The following MTUS1 variants were observed in gnomAD, a reference collection of about 807,000 sequenced individuals.
The protein encoded by MTUS1 is microtubule-associated tumor suppressor 1.
A neutral mutation model predicts 120.8 loss-of-function variants in MTUS1; 109 were observed. The ratio of observed to expected loss-of-function variants is 0.90; its 90% confidence interval spans 0.77 to 1.06. MTUS1 has a LOEUF of 1.06. Among genes scored for constraint, MTUS1 ranks in the 50% least tolerant of loss-of-function variants. The pLI, the probability that MTUS1 is intolerant of heterozygous loss-of-function variation, is 0.00. For missense variants in MTUS1, 2,210 were observed against 1,486.3 expected, an observed-to-expected ratio of 1.49 and a Z score of -8.01; for synonymous variants, 737 against 550.5, an observed-to-expected ratio of 1.34 and a Z score of -4.74.
At chr8:17,719,276 T>C (rs1822944123) in intron 4 of MTUS1, among the ~76,000 whole-genome samples, 2 of 152,254 alleles carry the variant, frequency 1.3e-5, no homozygotes, top group African/African-American at 2.4e-5. Context: ...ACATTATGTA[T>C]ATACACACAG....
chr8:17,711,572 G>C (rs1441231113), intron 6 of MTUS1, among the ~76,000 whole-genome samples: 1 of 152,122 alleles, frequency 6.6e-6, no homozygotes, highest in Non-Finnish European at 1.5e-5. Flanking sequence ...TAATCTTCTG[G>C]TCAGACCACT....
intron 6 of MTUS1, among the ~76,000 whole-genome samples, chr8:17,700,843 A>G (rs1042266687): frequency 1.3e-5 from 2 of 152,208 alleles, no homozygotes; most frequent in South Asian, 2.1e-4. Context: ...CTTAAATAAC[A>G]AAAGAGGATG....
At chr8:17,769,232 CTTTTTTT>C (rs35061390) in intron 1 of MTUS1, among the ~76,000 whole-genome samples, 14 of 131,296 alleles carry the variant, frequency 1.1e-4, no homozygotes, top group African/African-American at 2.6e-4. Flanking sequence ...GCTTTTATTC[CTTTTTTT>C]TTTTTTTTTT....
At chr8:17,761,101 T>C (rs2049006509) in intron 1 of MTUS1, among the ~76,000 whole-genome samples, 2 of 152,056 alleles carry the variant, frequency 1.3e-5, no homozygotes, top group Non-Finnish European at 2.9e-5. Flanking sequence ...GCAGCTCCTC[T>C]TAAACGGTTA....
chr8:17,695,367 C>T (rs1034035816), intron 6 of MTUS1, among the ~76,000 whole-genome samples: 1 of 152,202 alleles, frequency 6.6e-6, no homozygotes. Context: ...ATCTCTGGCA[C>T]TTACTGTGTG....
At chr8:17,647,768 C>T (rs1806137296) in intron 13 of MTUS1, among the ~76,000 whole-genome samples, 1 of 152,176 alleles carries the variant, frequency 6.6e-6, no homozygotes, top group Admixed American at 6.5e-5. Flanking sequence ...TGCCTGAGGA[C>T]ATTTAATCAC....
intron 6 of MTUS1, among the ~76,000 whole-genome samples, chr8:17,700,920 C>G (rs559348449): frequency 6.6e-6 from 1 of 152,098 alleles, no homozygotes; most frequent in East Asian, 1.9e-4. Context: ...AGAAATTCCA[C>G]TGGTCTGCAT....
Position 17,755,506 on chromosome 8 carries a change from GA to G in MTUS1, c.301del (p.Ser101LeufsTer9). The G allele has an allele frequency of 6.2e-7, 1 of 1,614,172 alleles. No individual in the cohort carries two copies. Among genetic ancestry groups the G allele is most frequent in the East Asian group, 2.2e-5 (1 of 44,882 alleles). On this transcript the variant is annotated frameshift_variant, in exon 2 of 15. Transcript: ENST00000693296. LOFTEE classifies it high-confidence loss of function. ...TACAAGTGCAGGACACTGACAAATA[GA>G]ATCTTTATGCATATCTAACACCTGC... ...SKQVLDMHKD[S>X]ICQCPALVGT... is the part of the protein sequence containing the mutation.
chr8:17,659,652 C>G (rs1249401186), intron 8 of MTUS1, among the ~76,000 whole-genome samples: 2 of 152,038 alleles, frequency 1.3e-5, no homozygotes, highest in African/African-American at 2.4e-5. Flanking sequence ...GAGCCAAGAT[C>G]GCACTACCGC....
Position 17,753,739 on chromosome 8 carries a change from A to G in MTUS1, c.2069T>C (p.Phe690Ser). The change falls in exon 2 of 15, where the codon TTT becomes TCT. Residue 690 changes from phenylalanine (F) to serine (S), a missense_variant. By Grantham distance (155) the Phe-to-Ser change is radical. Coordinates refer to ENST00000693296, the MANE Select transcript of MTUS1 (RefSeq NM_001363059.2). ...TACCAAAAACAGAGAACCATATTCA[A>G]AAGTCTCATTCATAATCTCTTGTTT... ...ELKQEIMNETFEYGSLFLGSA... is the reference protein window; with the variant it reads ...ELKQEIMNETSEYGSLFLGSA... 1.9e-6 allele frequency: 3 copies of G among 1,604,646 alleles called. No homozygotes were observed. The highest frequency in any genetic ancestry group is 1.7e-6 in the Non-Finnish European group (2 of 1,177,278).
intron 1 of MTUS1, among the ~76,000 whole-genome samples, chr8:17,781,428 A>C (rs1306570294): frequency 1.3e-5 from 2 of 152,214 alleles, no homozygotes; most frequent in Non-Finnish European, 2.9e-5. Flanking sequence ...TTTTGAAACA[A>C]GGCTTCACTT....
intron 12 of MTUS1, chr8:17,651,752 T>A (rs1036438490): frequency 2.6e-5 from 4 of 152,202 alleles, no homozygotes; most frequent in African/African-American, 2.4e-5. Flanking sequence ...AGCGGTTGGA[T>A]GCTTCTGTGT....
In MTUS1 at chr8:17,776,298, G is replaced by A. The variant is rs181201753; in HGVS notation, c.-154-20337C>T. Reference sequence around the variant, plus strand: ...CAAAGACTACAATATTTTATATAACGAACTTAGGCATTCTCAGATTTTGGT... The same window carrying A: ...CAAAGACTACAATATTTTATATAACAAACTTAGGCATTCTCAGATTTTGGT... On this transcript the variant is annotated intron_variant, in intron 1 of 14. Transcript: ENST00000693296. Among the ~76,000 whole-genome samples, 17 of 151,868 alleles carry A rather than the reference G, an allele frequency of 1.1e-4. No homozygotes were observed. The East Asian group carries it at 1.4e-3, about 12-fold the overall frequency.
intron 6 of MTUS1, chr8:17,706,096 T>C (rs1820103898): frequency 6.6e-6 from 1 of 152,264 alleles, no homozygotes; most frequent in Middle Eastern, 3.4e-3. Context: ...CTGCTTGCTT[T>C]AGAGATTTAA....
chr8:17,739,937 T>C (rs2047190009), intron 3 of MTUS1, among the ~76,000 whole-genome samples: 1 of 152,180 alleles, frequency 6.6e-6, no homozygotes, highest in Non-Finnish European at 1.5e-5. Flanking sequence ...TTTCCACATT[T>C]TGACAAGTAA....
chr8:17,734,071 A>C (rs2046773436), intron 3 of MTUS1: 2 of 152,182 alleles, frequency 1.3e-5, no homozygotes, highest in Admixed American at 1.3e-4. Context: ...TTTTTATTAA[A>C]TTTTAGTATT....
chr8:17,754,726 T>G lies in MTUS1; in HGVS notation c.1082A>C (p.Glu361Ala). The change falls in exon 2 of 15, where the codon GAA becomes GCA. Residue 361 changes from glutamate (E) to alanine (A), a missense_variant. By Grantham distance (107) the Glu-to-Ala change is moderately radical (BLOSUM62 -1). Transcript: ENST00000693296. ...PLMVPAFDKS[E>A]AQVLNPEHKV... Reference sequence around the variant, plus strand: ...ATGCTCTGGGTTCAGCACTTGAGCTTCGCTCTTATCAAAAGCTGGCACCAT... The same window carrying G: ...ATGCTCTGGGTTCAGCACTTGAGCTGCGCTCTTATCAAAAGCTGGCACCAT... The G allele has an allele frequency of 1.9e-6, 3 of 1,614,260 alleles. No individual in the cohort carries two copies. Among genetic ancestry groups the G allele is most frequent in the Non-Finnish European group, 2.5e-6 (3 of 1,180,044 alleles).
intron 3 of MTUS1, among the ~76,000 whole-genome samples, chr8:17,724,705 G>A (rs1015810913): frequency 6.6e-6 from 1 of 152,172 alleles, no homozygotes; most frequent in Admixed American, 6.5e-5. Context: ...CATTTCCCAA[G>A]CCCAGTCTTT....
At chr8:17,715,744 T>C in intron 5 of MTUS1, 23 bp downstream of exon 5, 1 of 1,588,756 alleles carries the variant, frequency 6.3e-7, no homozygotes, top group South Asian at 1.2e-5. Flanking sequence ...CCCTCCCTCT[T>C]CAAACCACAA....
Sources: allele counts gnomAD v4.1 joint callset (sites outside exome capture counted in the v4.1 genomes callset), GRCh38; gene constraint gnomAD v4.1.1; transcripts MANE v1.5; gene names NCBI Gene and HGNC (gene_info 2026-07-23, HGNC 2026-07-21).